The following UNC79 variants were observed in gnomAD, a reference collection of about 807,000 sequenced individuals.
UNC79 encodes protein unc-79 homolog.
Under a neutral mutation model 283.1 loss-of-function variants are expected in UNC79, and 37 were observed. The observed-to-expected ratio is 0.13, with a 90% CI of 0.10 to 0.17. The LOEUF (loss-of-function observed/expected upper bound fraction) is 0.17, where lower values mean the gene tolerates loss of function less well. Ranked by LOEUF, UNC79 falls within the 10% of genes least tolerant of loss-of-function variation. The probability of loss-of-function intolerance (pLI) is 1.00; values close to 1 mark genes in which losing one functional copy is unlikely to be tolerated. For synonymous variants in UNC79, 1,107 were observed against 1,200.2 expected (o/e 0.92, Z 1.61); for missense variants, 2,272 against 3,211.1 (o/e 0.71, Z 7.07).
intron 1 of UNC79, among the ~76,000 whole-genome samples, chr14:93,357,714 TATATATGG>T (rs1424779977): frequency 1.5e-4 from 19 of 125,012 alleles, no homozygotes; most frequent in Middle Eastern, 3.8e-3. Context: ...TATATATATA[TATATATGG>T]ATATATGGAT....
intron 1 of UNC79, among the ~76,000 whole-genome samples, chr14:93,385,142 A>G (rs1315984723): frequency 3.3e-5 from 5 of 152,124 alleles, no homozygotes; most frequent in African/African-American, 4.8e-5. Context: ...TGCTTAGGAT[A>G]GCTTTGGCTA....
At chr14:93,569,638 T>C (rs2063104527) in intron 14 of UNC79, among the ~76,000 whole-genome samples, 1 of 152,176 alleles carries the variant, frequency 6.6e-6, no homozygotes, top group Admixed American at 6.5e-5. Context: ...CCCAGCAGTG[T>C]TGAGCTTTAA....
intron 5 of UNC79, among the ~76,000 whole-genome samples, chr14:93,489,571 T>C (rs1251862877): frequency 2.0e-5 from 3 of 152,210 alleles, no homozygotes; most frequent in Non-Finnish European, 4.4e-5. Context: ...TCCAAGTAAG[T>C]CTAAAACCCA....
chr14:93,537,410 G>C (rs1234149564), intron 11 of UNC79, among the ~76,000 whole-genome samples: 2 of 152,360 alleles, frequency 1.3e-5, no homozygotes, highest in East Asian at 3.9e-4. Context: ...GGTGGGCATG[G>C]GAAGGCCTGG....
intron 5 of UNC79, among the ~76,000 whole-genome samples, chr14:93,492,798 A>G (rs981346001): frequency 6.6e-6 from 1 of 152,210 alleles, no homozygotes; most frequent in African/African-American, 2.4e-5. Flanking sequence ...AGCAGACACT[A>G]TGTACAAGAA....
intron 35 of UNC79, among the ~76,000 whole-genome samples, chr14:93,647,180 T>C (rs1002958887): frequency 6.6e-6 from 1 of 152,202 alleles, no homozygotes; most frequent in Non-Finnish European, 1.5e-5. Context: ...TATATAACAG[T>C]AATTCATTCA....
At chr14:93,522,599 C>T (rs867249250) in intron 7 of UNC79, among the ~76,000 whole-genome samples, 10 of 152,168 alleles carry the variant, frequency 6.6e-5, no homozygotes, top group Middle Eastern at 3.4e-3. Context: ...CTTGACTTTA[C>T]CATATATGGG....
At chr14:93,434,600 A>C (rs2056012066) in intron 1 of UNC79, among the ~76,000 whole-genome samples, 1 of 152,238 alleles carries the variant, frequency 6.6e-6, no homozygotes, top group Admixed American at 6.5e-5. Context: ...TTTTGGTAAC[A>C]GCAGACATTC....
At chr14:93,615,592 T>C (rs1044150297) in intron 27 of UNC79, among the ~76,000 whole-genome samples, 5 of 151,008 alleles carry the variant, frequency 3.3e-5, no homozygotes, top group Non-Finnish European at 4.4e-5. Flanking sequence ...TGTGGTGCCA[T>C]GTGCCTGTAG....
Position 93,508,238 on chromosome 14 carries a change from G to T in UNC79, c.898+10952G>T, listed in dbSNP as rs530889513. Reference sequence around the variant, plus strand: ...AAAAACCCACTAAACCCGAAAAAAGGCCAGGCATGGTGGCTCACACCTGTA... The same window carrying T: ...AAAAACCCACTAAACCCGAAAAAAGTCCAGGCATGGTGGCTCACACCTGTA... On this transcript the variant is annotated intron_variant, in intron 7 of 48. Coordinates refer to ENST00000555664, the Ensembl canonical transcript of UNC79. Among the ~76,000 whole-genome samples, 78 of 151,330 alleles carry T rather than the reference G, an allele frequency of 5.2e-4. 2 individuals carry two copies. In the South Asian group the frequency reaches 6.9e-3, roughly 13 times the overall value.
chr14:93,647,920 G>A (rs1193055262), intron 35 of UNC79, among the ~76,000 whole-genome samples: 1 of 152,162 alleles, frequency 6.6e-6, no homozygotes, highest in African/African-American at 2.4e-5. Flanking sequence ...CTTGTGCAGG[G>A]GAACTCCCAT....
chr14:93,643,407 G>C, intron 33 of UNC79, 150 bp from the exon 37 acceptor site: 5 of 1,043,390 alleles, frequency 4.8e-6, no homozygotes, highest in Non-Finnish European at 7.0e-6. Flanking sequence ...GGCAGCACTG[G>C]AATCCTCTAC....
chr14:93,522,461 G>A (rs1180851384), intron 7 of UNC79, among the ~76,000 whole-genome samples: 1 of 152,074 alleles, frequency 6.6e-6, no homozygotes. Context: ...TGTCTGTCAT[G>A]AGTTTGGGAT....
At chr14:93,570,174 C>A (rs1335525751) in intron 14 of UNC79, among the ~76,000 whole-genome samples, 1 of 152,158 alleles carries the variant, frequency 6.6e-6, no homozygotes, top group Non-Finnish European at 1.5e-5. Context: ...GTCTTGAACT[C>A]CTGGCCTCAG....
intron 11 of UNC79, among the ~76,000 whole-genome samples, chr14:93,533,811 C>G: frequency 6.6e-6 from 1 of 152,230 alleles, no homozygotes; most frequent in East Asian, 1.9e-4. Context: ...CACATTTAAT[C>G]TACCACAATC....
intron 35 of UNC79, among the ~76,000 whole-genome samples, chr14:93,650,505 GA>G (rs1359739111): frequency 6.6e-6 from 1 of 152,066 alleles, no homozygotes; most frequent in African/African-American, 2.4e-5. Context: ...CATTCTGGTG[GA>G]TGTGTAATGG....
At chr14:93,627,502 C>A (rs906254191) in intron 30 of UNC79, among the ~76,000 whole-genome samples, 9 of 152,174 alleles carry the variant, frequency 5.9e-5, no homozygotes, top group Non-Finnish European at 1.3e-4. Context: ...GCTTCTCATG[C>A]CTGCTGACCT....
chr14:93,386,927 CTTTTTTTTTTTTTTTTTT>C (rs35267402), intron 1 of UNC79, among the ~76,000 whole-genome samples: 6 of 27,162 alleles, frequency 2.2e-4, no homozygotes, highest in Non-Finnish European at 3.1e-4. Flanking sequence ...TGTATTTCTG[CTTTTTTTTTTTTTTTTTT>C]TTTTTTTTTT....
intron 1 of UNC79, among the ~76,000 whole-genome samples, chr14:93,459,601 T>G (rs2056889286): frequency 6.6e-6 from 1 of 151,640 alleles, no homozygotes; most frequent in African/African-American, 2.4e-5. Flanking sequence ...CCTGTTAAAC[T>G]ATCAGTTTTA....
Sources: gnomAD v4.1 joint callset for allele counts (sites outside exome capture counted in the v4.1 genomes callset) on GRCh38, gnomAD v4.1.1 for gene constraint, MANE v1.5 for transcripts, NCBI Gene and HGNC (gene_info 2026-07-23, HGNC 2026-07-21) for gene names.